The following WWTR1 variants were observed in gnomAD, a reference collection of about 807,000 sequenced individuals.
WWTR1 encodes WW domain-containing transcription regulator protein 1.
In WWTR1, 13 loss-of-function variants were observed where a neutral mutation model predicts 40.1. The observed-to-expected ratio is 0.32, with a 90% confidence interval of 0.21 to 0.52. The LOEUF (loss-of-function observed/expected upper bound fraction) is 0.52. WWTR1 is among the 20% of genes least tolerant of loss of function. WWTR1 has a pLI of 0.97. For missense variants in WWTR1, 436 were observed against 523.1 expected (o/e 0.83, Z 1.63); for synonymous variants, 230 against 210.1 (o/e 1.09, Z -0.82).
rs768867579 is a variant in WWTR1 at position 149,521,007 on chromosome 3, G to T, written c.1019-18C>A. On this transcript the variant is annotated intron_variant, in intron 6 of 6. Coordinates refer to ENST00000360632, the MANE Select transcript of WWTR1 (RefSeq NM_015472.6). ...GTTTTCTCCTATAACAAAATGAAAA[G>T]AAACCATTTTAATTCCTTCTTTTAG... The T allele has an allele frequency of 7.1e-6, 11 of 1,558,834 alleles. No homozygotes were observed. The South Asian group carries it at 1.2e-4, about 18-fold the overall frequency.
intron 5 of WWTR1, among the ~76,000 whole-genome samples, chr3:149,708,998 T>C: frequency 6.6e-6 from 1 of 152,106 alleles, no homozygotes; most frequent in South Asian, 2.1e-4. Flanking sequence ...GTTTTATTTA[T>C]ATTTATATTT....
At chr3:149,607,999 A>G (rs980585164) in intron 2 of WWTR1, among the ~76,000 whole-genome samples, 1 of 152,246 alleles carries the variant, frequency 6.6e-6, no homozygotes, top group Non-Finnish European at 1.5e-5. Context: ...TTAGTCTTCA[A>G]GGCCTAAGCC....
At chr3:149,679,665 T>C (rs1301650811) in intron 1 of WWTR1, among the ~76,000 whole-genome samples, 1 of 147,448 alleles carries the variant, frequency 6.8e-6, no homozygotes, top group Non-Finnish European at 1.5e-5. Context: ...AAAAGTAAAA[T>C]GCCAACACAG....
At chr3:149,551,755 G>A (rs1736626259) in intron 3 of WWTR1, among the ~76,000 whole-genome samples, 1 of 145,076 alleles carries the variant, frequency 6.9e-6, no homozygotes, top group African/African-American at 2.6e-5. Context: ...GCTAACTCAG[G>A]GCAGCAGAAC....
intron 2 of WWTR1, among the ~76,000 whole-genome samples, chr3:149,596,271 C>A (rs972828905): frequency 6.6e-6 from 1 of 152,166 alleles, no homozygotes; most frequent in African/African-American, 2.4e-5. Flanking sequence ...CAAAGACAAG[C>A]CATCATATTC....
At chr3:149,592,822 C>T (rs1233282779) in intron 2 of WWTR1, among the ~76,000 whole-genome samples, 1 of 152,132 alleles carries the variant, frequency 6.6e-6, no homozygotes, top group East Asian at 1.9e-4. Context: ...GCAAAGCACT[C>T]TGGGTGGCTC....
intron 2 of WWTR1, among the ~76,000 whole-genome samples, chr3:149,652,777 TATCAGGTGCTAAAAGTTGATAA>T (rs1252690733): frequency 6.6e-6 from 1 of 151,274 alleles, no homozygotes; most frequent in Non-Finnish European, 1.5e-5. Flanking sequence ...CTCACTTTCA[TATCAGGTGCTAAAAGTTGATAA>T]ATCAAAACAT....
intron 2 of WWTR1, among the ~76,000 whole-genome samples, chr3:149,575,742 G>A (rs1737848926): frequency 1.3e-5 from 2 of 152,176 alleles, no homozygotes; most frequent in South Asian, 4.1e-4. Flanking sequence ...AATGCGGCAA[G>A]AGCAGGAACA....
chr3:149,646,497 T>A (rs566271431), intron 2 of WWTR1, among the ~76,000 whole-genome samples: 3 of 152,372 alleles, frequency 2.0e-5, no homozygotes, highest in African/African-American at 7.2e-5. Flanking sequence ...ATAGGCCAGT[T>A]ATAATTCAAC....
At chr3:149,586,036 T>C (rs887326536) in intron 2 of WWTR1, among the ~76,000 whole-genome samples, 25 of 152,290 alleles carry the variant, frequency 1.6e-4, no homozygotes, top group Non-Finnish European at 8.8e-5. Flanking sequence ...TGGATGTTAA[T>C]AAAAAATACA....
intron 2 of WWTR1, among the ~76,000 whole-genome samples, chr3:149,625,537 T>A (rs550023987): frequency 1.3e-5 from 2 of 151,996 alleles, no homozygotes; most frequent in South Asian, 4.2e-4. Flanking sequence ...ATGCCTGTAA[T>A]CCCAGCACTT....
intron 4 of WWTR1, among the ~76,000 whole-genome samples, chr3:149,723,875 C>A (rs9840144): frequency 0.43 from 65,257 of 152,150 alleles, 15,221 homozygotes; most frequent in African/African-American, 0.61. Context: ...TATTTGGAGG[C>A]CAGGGTCCTT....
At chr3:149,562,788 C>A (rs62269316) in intron 3 of WWTR1, among the ~76,000 whole-genome samples, 17,973 of 152,068 alleles carry the variant, frequency 0.12, 1,354 homozygotes, top group Middle Eastern at 0.18. Context: ...GGAAGAACAG[C>A]TGTTCTTGAC....
rs561491598 is a variant in WWTR1 at position 149,522,971 on chromosome 3, C to T, written c.1019-1982G>A. ...ATCCCAGCTACTCAGGAGGCTGAGG[C>T]CCGAGACTCGTTTGAATCCAGGAGG... On this transcript the variant is annotated intron_variant, in intron 6 of 6. Coordinates refer to ENST00000360632, the MANE Select transcript of WWTR1 (RefSeq NM_015472.6). Among the ~76,000 whole-genome samples the T allele has an allele frequency of 2.6e-5, 4 of 151,878 alleles. No homozygotes were observed. The East Asian group carries it at 7.8e-4, about 30-fold the overall frequency.
chr3:149,532,634 CTG>C (rs1735640675), intron 4 of WWTR1, among the ~76,000 whole-genome samples: 1 of 152,046 alleles, frequency 6.6e-6, no homozygotes, highest in African/African-American at 2.4e-5. Flanking sequence ...GAAAAAGAAA[CTG>C]TACAAAACCC....
chr3:149,644,662 A>G (rs1576618469), intron 2 of WWTR1, among the ~76,000 whole-genome samples: 1 of 152,206 alleles, frequency 6.6e-6, no homozygotes, highest in East Asian at 1.9e-4. Context: ...GAGACTTCCC[A>G]CAATGCAAAA....
chr3:149,585,281 C>T (rs1455118301), intron 2 of WWTR1, among the ~76,000 whole-genome samples: 7 of 152,066 alleles, frequency 4.6e-5, no homozygotes, highest in East Asian at 1.9e-4. Context: ...TACAGGCATG[C>T]GCCACTACGC....
chr3:149,635,693 C>G (rs1052050778), intron 2 of WWTR1, among the ~76,000 whole-genome samples: 3 of 152,124 alleles, frequency 2.0e-5, no homozygotes, highest in Non-Finnish European at 4.4e-5. Flanking sequence ...ATGCATAAGT[C>G]TGAAGGACAG....
intron 1 of WWTR1, among the ~76,000 whole-genome samples, chr3:149,699,974 A>G (rs2108222355): frequency 6.6e-6 from 1 of 152,368 alleles, no homozygotes; most frequent in South Asian, 2.1e-4. Context: ...CTATAAAGGT[A>G]TACCAGAGAC....
Sources: allele counts gnomAD v4.1 joint callset (sites outside exome capture counted in the v4.1 genomes callset), GRCh38; gene constraint gnomAD v4.1.1; transcripts MANE v1.5; gene names NCBI Gene and HGNC (gene_info 2026-07-23, HGNC 2026-07-21).